Variants in CYP2A6 observed in about 807,000 individuals in gnomAD.
The protein encoded by CYP2A6 is cytochrome P450 family 2 subfamily A member 6.
In CYP2A6, 27 loss-of-function variants were observed where a neutral mutation model predicts 42.3. The ratio of observed to expected loss-of-function variants is 0.64; its 90% CI spans 0.47 to 0.88. CYP2A6 has a LOEUF of 0.88. Ranked by LOEUF, CYP2A6 falls within the 40% of genes least tolerant of loss-of-function variation. CYP2A6 has a pLI of 0.00. For missense variants in CYP2A6, 628 were observed against 646.0 expected (o/e 0.97, Z 0.30); for synonymous variants, 238 against 246.3 (o/e 0.97, Z 0.31).
intron 6 of CYP2A6, 30 bp from the exon 7 acceptor site, chr19:40,845,511 A>G (rs1286660639): frequency 4.4e-6 from 7 of 1,608,562 alleles, no homozygotes; most frequent in South Asian, 2.2e-5. Flanking sequence ...GTGTTTAGGT[A>G]TCTAGGGGTC....
At chr19:40,846,164 C>A in intron 5 of CYP2A6, 67 bp from the exon 6 acceptor site, 13 of 1,586,914 alleles carry the variant, frequency 8.2e-6, no homozygotes, top group Non-Finnish European at 1.1e-5. Flanking sequence ...TAGGGCTTTT[C>A]CTTTGGATCT....
Position 40,845,384 on chromosome 19 carries a change from G to A in CYP2A6, c.1071C>T (p.His357=), listed in dbSNP as rs375925239. The change falls in exon 7 of 9, where the codon CAC becomes CAT. Residue 357 remains histidine (H), a synonymous_variant. Coordinates refer to ENST00000301141, the MANE Select transcript of CYP2A6 (RefSeq NM_000762.6). ...AKMPYMEAVI[H]EIQRFGDVIP... ...TCACGTCTCCAAATCTTTGGATCTC[G>A]TGGATCACTGCCTCCATGTAGGGCA... 1.1e-4 allele frequency: 178 copies of A among 1,611,646 alleles called. No homozygotes were observed. Among genetic ancestry groups the A allele is most frequent in the Non-Finnish European group, 1.4e-4 (171 of 1,179,918 alleles).
In CYP2A6 at chr19:40,848,233, T is replaced by C. The variant is rs370474607; in HGVS notation, c.640A>G (p.Thr214Ala). The C allele has an allele frequency of 7.4e-6, 12 of 1,611,264 alleles. No homozygotes were observed. Among genetic ancestry groups the C allele is most frequent in the South Asian group, 1.1e-5 (1 of 90,884 alleles). Residue 214 changes from threonine (T) to alanine (A), a missense_variant, in exon 4 of 9, where the codon ACC becomes GCC. Transcript: ENST00000301141. ...CAGCCAGTTACCTGCCCCGTGGAGGTTGACGTGAACTGGAAGATTCCTAGC... is the reference window on the plus strand; with the variant it reads ...CAGCCAGTTACCTGCCCCGTGGAGGCTGACGTGAACTGGAAGATTCCTAGC... The part of the protein sequence containing the change: ...MMLGIFQFTS[T>A]STGQLYEMFS...
rs72549435 is a variant in CYP2A6 at position 40,849,833 on chromosome 19, C to A, written c.328G>T (p.Val110Phe). The A allele has an allele frequency of 3.1e-6, 5 of 1,610,794 alleles. No individual in the cohort carries two copies. The South Asian group carries it at 4.4e-5, about 14-fold the overall frequency. The part of the protein sequence containing the change: ...GRGEQATFDW[V>F]FKGYGVVFSN... Reference sequence around the variant, plus strand: ...ACCCCCTCACCATAGCCTTTGAAGACCCAGTCGAAGGTGGCTTGCTCGCCT... The same window carrying A: ...ACCCCCTCACCATAGCCTTTGAAGAACCAGTCGAAGGTGGCTTGCTCGCCT... Residue 110 changes from valine (V) to phenylalanine (F), a missense_variant, in exon 2 of 9, where the codon GTC becomes TTC. Physicochemically the swap from Val to Phe is conservative, Grantham distance 50 (BLOSUM62 -1). This residue lies in a region of CYP2A6 where 606 missense variants were observed against 568.1 expected (regional missense o/e 1.07). Coordinates refer to ENST00000301141, the MANE Select transcript of CYP2A6 (RefSeq NM_000762.6).
intron 8 of CYP2A6, among the ~76,000 whole-genome samples, chr19:40,844,306 A>G (rs549914213): frequency 6.6e-6 from 1 of 151,372 alleles, no homozygotes; most frequent in Non-Finnish European, 1.5e-5. Context: ...AGGTGTAGCA[A>G]TGGGAGGTTT....
In CYP2A6 at chr19:40,848,332, C is replaced by G. The variant is rs1401147018; in HGVS notation, c.541G>C (p.Val181Leu). 1 of 1,611,968 alleles carries G rather than the reference C, an allele frequency of 6.2e-7. No homozygotes were observed. The change falls in exon 4 of 9, where the codon GTC becomes CTC. Residue 181 changes from valine to leucine, a missense_variant. Physicochemically the swap from Val to Leu is conservative, Grantham distance 32. Transcript: ENST00000301141. ...TFFLSRTVSN[V>L]ISSIVFGDRF... The stretch of plus-strand genomic sequence containing the variant: ...TCCCCAAAGACAATGGAGCTGATGA[C>G]ATTGGAGACTGTGCGGCTCAGGAAG...
chr19:40,846,910 C>T lies in CYP2A6; in HGVS notation c.796G>A (p.Asp266Asn). Residue 266 changes from aspartate to asparagine, a missense_variant, in exon 5 of 9, where the codon GAC becomes AAC. By Grantham distance (23) the Asp-to-Asn change is conservative (BLOSUM62 1). Coordinates refer to ENST00000301141, the MANE Select transcript of CYP2A6 (RefSeq NM_000762.6). ...CGGATGAGAAAGGAGTCAATGAAGT[C>T]CCGTGGGGAATTGGGATCCAGCGTG... ...QRTLDPNSPRDFIDSFLIRMQ... is the reference protein window; with the variant it reads ...QRTLDPNSPRNFIDSFLIRMQ... 6.2e-7 allele frequency: 1 copy of T among 1,612,124 alleles called. No homozygotes were observed. The highest frequency in any genetic ancestry group is 1.1e-5 in the South Asian group (1 of 90,944).
At chr19:40,848,569 G>A (rs374657291) in intron 3 of CYP2A6, 45 bp downstream of exon 3, 145 of 1,602,728 alleles carry the variant, frequency 9.0e-5, no homozygotes, top group Non-Finnish European at 1.1e-4. Flanking sequence ...CCTCGTCCTG[G>A]GTGTTTTCCT....
In CYP2A6 at chr19:40,846,915, G is replaced by A; in HGVS notation, c.791C>T (p.Pro264Leu). Residue 264 changes from proline to leucine, a missense_variant, in exon 5 of 9, where the codon CCA becomes CTA. Pro to Leu is a moderately conservative substitution (Grantham distance 98). Transcript: ENST00000301141. Reference sequence around the variant, plus strand: ...GAGAAAGGAGTCAATGAAGTCCCGTGGGGAATTGGGATCCAGCGTGCGCTG... The same window carrying A: ...GAGAAAGGAGTCAATGAAGTCCCGTAGGGAATTGGGATCCAGCGTGCGCTG... The part of the protein sequence containing the change: ...HNQRTLDPNS[P>L]RDFIDSFLIR... 1.2e-6 allele frequency: 2 copies of A among 1,612,146 alleles called. No homozygotes were observed. Among genetic ancestry groups the A allele is most frequent in the East Asian group, 2.3e-5 (1 of 43,426 alleles).
At chr19:40,846,131 T>A (rs1424811764) in intron 5 of CYP2A6, 34 bp from the exon 6 acceptor site, 1 of 1,608,848 alleles carries the variant, frequency 6.2e-7, no homozygotes, top group Admixed American at 1.7e-5. Flanking sequence ...CCAACCTCAC[T>A]CCTCTTGCCC....
chr19:40,844,875 T>C, intron 7 of CYP2A6, 103 bp from the exon 8 acceptor site: 1 of 1,446,640 alleles, frequency 6.9e-7, no homozygotes, highest in South Asian at 1.3e-5. Context: ...TAAGGGGAAG[T>C]GGCAGGCATG....
chr19:40,849,114 A>G (rs1380935906), intron 2 of CYP2A6, among the ~76,000 whole-genome samples: 3 of 149,724 alleles, frequency 2.0e-5, no homozygotes, highest in Non-Finnish European at 4.4e-5. Flanking sequence ...TAAGACAATC[A>G]GAAAAGAAAC....
At position 40,849,760 on chromosome 19, in the gene CYP2A6, G is replaced by A; in HGVS notation, c.343+58C>T. The A allele has an allele frequency of 1.2e-6, 2 of 1,602,724 alleles. 1 individual carries two copies. Among genetic ancestry groups the A allele is most frequent in the East Asian group, 4.6e-5 (2 of 43,208 alleles). Reference sequence around the variant, plus strand: ...GCAGGAGAGTCAGGGAGAAGGCTGGGAACACTGAGACCTTCGTGTCCACCT... The same window carrying A: ...GCAGGAGAGTCAGGGAGAAGGCTGGAAACACTGAGACCTTCGTGTCCACCT... On this transcript the variant is annotated intron_variant, in intron 2 of 8. Transcript: ENST00000301141.
Position 40,845,890 on chromosome 19 carries a change from T to C in CYP2A6, c.973+66A>G, listed in dbSNP as rs903554986. On this transcript the variant is annotated intron_variant, in intron 6 of 8. Transcript: ENST00000301141. ...CCGGGATCTGGGACAGGTGGGGACA[T>C]TGCACCAGTCGAAGGGGAATTTTGA... The C allele has an allele frequency of 5.9e-5, 93 of 1,581,798 alleles. 1 individual carries two copies. Among genetic ancestry groups the C allele is most frequent in the Non-Finnish European group, 7.8e-5 (91 of 1,165,116 alleles).
At chr19:40,844,836 G>C in intron 7 of CYP2A6, 64 bp from the exon 8 acceptor site, 1 of 1,554,586 alleles carries the variant, frequency 6.4e-7, no homozygotes, top group Non-Finnish European at 8.7e-7. Context: ...AGTACACAGG[G>C]GCTGGAGGGG....
At chr19:40,849,021 G>GAGA (rs1555783050) in intron 2 of CYP2A6, among the ~76,000 whole-genome samples, 7 of 50,118 alleles carry the variant, frequency 1.4e-4, no homozygotes, top group African/African-American at 6.2e-4. Flanking sequence ...AAGAGAGAGA[G>GAGA]GAGAGAGAGA....
At chr19:40,849,051 A>AG (rs1279587934) in intron 2 of CYP2A6, among the ~76,000 whole-genome samples, 11 of 118,538 alleles carry the variant, frequency 9.3e-5, no homozygotes, top group African/African-American at 2.3e-4. Context: ...GAGAGGAGAG[A>AG]GAGAGAGAGA....
intron 4 of CYP2A6, among the ~76,000 whole-genome samples, 196 bp from the exon 5 acceptor site, chr19:40,847,247 G>A (rs529372394): frequency 2.0e-5 from 3 of 151,726 alleles, no homozygotes; most frequent in Admixed American, 6.6e-5. Context: ...CCACGGTCTA[G>A]TAATTTAGGT....
chr19:40,846,045 G>T lies in CYP2A6; in HGVS notation c.884C>A (p.Thr295Lys), dbSNP rs1371337751. Reference protein sequence around the residue: ...EFYLKNLVMTTLNLFIGGTET... With the variant: ...EFYLKNLVMTKLNLFIGGTET... The stretch of plus-strand genomic sequence containing the variant: ...GGTGCCCCCAATGAAGAGGTTCAAC[G>T]TGGTCATCACCAGGTTTTTCAAGTA... Residue 295 changes from threonine (T) to lysine (K), a missense_variant, in exon 6 of 9, where the codon ACG (threonine) becomes AAG (lysine). Physicochemically the swap from Thr to Lys is moderately conservative, Grantham distance 78 (BLOSUM62 -1). Transcript: ENST00000301141. 6.2e-7 allele frequency: 1 copy of T among 1,611,676 alleles called. No individual in the cohort carries two copies. The highest frequency in any genetic ancestry group is 8.5e-7 in the Non-Finnish European group (1 of 1,179,884).
Sources: allele counts gnomAD v4.1 joint callset (sites outside exome capture counted in the v4.1 genomes callset), GRCh38; gene constraint gnomAD v4.1.1; regional missense constraint gnomAD v4.1.1; transcripts MANE v1.5; gene names NCBI Gene and HGNC (gene_info 2026-07-23, HGNC 2026-07-21).